The following SLC10A1 variants were observed in gnomAD, a reference collection of about 807,000 sequenced individuals.
The protein encoded by SLC10A1 is solute carrier family 10 member 1.
In SLC10A1, 36 loss-of-function variants were observed where a neutral mutation model predicts 20.5. The observed-to-expected ratio is 1.75, with a 90% confidence interval of 1.34 to 2.32. SLC10A1 has a LOEUF of 2.32. Among genes scored for constraint, SLC10A1 ranks in the 30% most tolerant of loss-of-function variants. SLC10A1 has a pLI of 0.00. For synonymous variants in SLC10A1, 188 were observed against 163.6 expected (o/e 1.15, Z -1.14); for missense variants, 545 against 439.1 (o/e 1.24, Z -2.16).
rs761020846 is a variant in SLC10A1, at chr14:69,796,831, T to A, written c.325A>T (p.Ser109Cys). ...TTCATGTCCCCCTTCATGGCCAGACTGAAGACATTGGACAGGTTCCCTCCA... is the reference window on the plus strand; with the variant it reads ...TTCATGTCCCCCTTCATGGCCAGACAGAAGACATTGGACAGGTTCCCTCCA... ...SPGGNLSNVF[S>C]LAMKGDMNLS... Residue 109 changes from serine to cysteine, a missense_variant, in exon 1 of 5, where the codon AGT becomes TGT. Coordinates refer to ENST00000216540, the MANE Select transcript of SLC10A1 (RefSeq NM_003049.4). The A allele has an allele frequency of 3.1e-6, 5 of 1,614,170 alleles. No individual in the cohort carries two copies. The highest frequency in any genetic ancestry group is 4.2e-6 in the Non-Finnish European group (5 of 1,180,026).
rs146304821 is a variant in SLC10A1, at chr14:69,779,801, G to A, written c.568-441C>T. ...TAGCAGACTTTCAGTGAAGTGTTAC[G>A]TGAGGCTATTCAGGACTCCTGCAAA... On this transcript the variant is annotated intron_variant, in intron 2 of 4. Coordinates refer to ENST00000216540, the MANE Select transcript of SLC10A1 (RefSeq NM_003049.4). 2.6e-5 allele frequency among the ~76,000 whole-genome samples: 4 copies of A among 152,036 alleles called. No individual in the cohort carries two copies. The East Asian group carries it at 5.8e-4, about 22-fold the overall frequency.
rs902008911 is a variant in SLC10A1, at chr14:69,783,643, G to A, written c.567+2454C>T. The stretch of plus-strand genomic sequence containing the variant: ...ACATTAAGGAGTTTAAACTATCCTA[G>A]GGGGAAGGAGTCAATGAGAGGCTTT... On this transcript the variant is annotated intron_variant, in intron 2 of 4. Coordinates refer to ENST00000216540, the MANE Select transcript of SLC10A1 (RefSeq NM_003049.4). 2.6e-5 allele frequency among the ~76,000 whole-genome samples: 4 copies of A among 152,318 alleles called. 1 individual carries two copies. The highest frequency in any genetic ancestry group is 6.5e-5 in the Admixed American group (1 of 15,302).
intron 4 of SLC10A1, among the ~76,000 whole-genome samples, chr14:69,777,636 GGCACTCT>G (rs1158558643): frequency 1.6e-5 from 2 of 126,720 alleles, no homozygotes; most frequent in Admixed American, 8.9e-5. Flanking sequence ...CTTTGAGGAA[GGCACTCT>G]GTTCTCTGGT....
At chr14:69,796,066 C>A (rs904311583) in intron 1 of SLC10A1, among the ~76,000 whole-genome samples, 5 of 152,204 alleles carry the variant, frequency 3.3e-5, no homozygotes, top group Admixed American at 2.6e-4. Context: ...GGATGAGCAT[C>A]AACCAGCCCC....
In SLC10A1 at chr14:69,786,286, G is replaced by A. The variant is rs759709943; in HGVS notation, c.378C>T (p.Ser126=). ...MNLSIVMTTC[S]TFCALGMMPL... The stretch of plus-strand genomic sequence containing the variant: ...GCATCATGCCAAGGGCACAGAAGGT[G>A]GAGCAGGTGGTCATCACAATGCTGG... Residue 126 remains serine, a synonymous_variant, in exon 2 of 5, where the codon TCC becomes TCT. Transcript: ENST00000216540. The A allele has an allele frequency of 5.0e-6, 8 of 1,614,096 alleles. No individual in the cohort carries two copies. Among genetic ancestry groups the A allele is most frequent in the Non-Finnish European group, 5.9e-6 (7 of 1,179,990 alleles).
chr14:69,779,376 AGAAAAG>A lies in SLC10A1; in HGVS notation c.568-22_568-17del. 1 of 1,598,420 alleles carries A rather than the reference AGAAAAG, an allele frequency of 6.3e-7. No individual in the cohort carries two copies. Among genetic ancestry groups the A allele is most frequent in the Non-Finnish European group, 8.6e-7 (1 of 1,168,430 alleles). On this transcript the variant is annotated splice_polypyrimidine_tract_variant and intron_variant, in intron 2 of 4. Coordinates refer to ENST00000216540, the MANE Select transcript of SLC10A1 (RefSeq NM_003049.4). Reference sequence around the variant, plus strand: ...TCATCCCTCCCTGGGAATGAAGACAAGAAAAGGCAATTAGAAGAGTTGGGGATAGAG... The same window carrying A: ...TCATCCCTCCCTGGGAATGAAGACAAGCAATTAGAAGAGTTGGGGATAGAG...
At chr14:69,787,507 ACTT>A (rs1306024865) in intron 1 of SLC10A1, among the ~76,000 whole-genome samples, 1 of 152,202 alleles carries the variant, frequency 6.6e-6, no homozygotes, top group Non-Finnish European at 1.5e-5. Context: ...CTCCATCTAC[ACTT>A]CTTTCATTAT....
chr14:69,775,997 T>G lies in SLC10A1; in HGVS notation c.*285A>C. ...ACTTTAAGATGCTTATCAGACACTTTTAGAGATCCCAGCAAGAGGCAGATT... is the reference window on the plus strand; with the variant it reads ...ACTTTAAGATGCTTATCAGACACTTGTAGAGATCCCAGCAAGAGGCAGATT... On this transcript the variant is annotated 3_prime_UTR_variant, in exon 5 of 5. Transcript: ENST00000216540. 2.5e-6 allele frequency: 1 copy of G among 395,114 alleles called. No individual in the cohort carries two copies. The highest frequency in any genetic ancestry group is 4.6e-6 in the Non-Finnish European group (1 of 218,670). 24.5% of individuals were successfully genotyped at this position (395,114 alleles called of 1,614,324 possible). A position where few individuals can be genotyped will look rare whatever the true frequency, so the allele number is the denominator to read the frequency against.
Position 69,784,759 on chromosome 14 carries a change from C to T in SLC10A1, c.567+1338G>A, listed in dbSNP as rs369612569. On this transcript the variant is annotated intron_variant, in intron 2 of 4. Coordinates refer to ENST00000216540, the MANE Select transcript of SLC10A1 (RefSeq NM_003049.4). Reference sequence around the variant, plus strand: ...GAGGCTGCTGGGCCAGGGGCATAATCAATAAAAGGAGGTCTCTTGAGTACA... The same window carrying T: ...GAGGCTGCTGGGCCAGGGGCATAATTAATAAAAGGAGGTCTCTTGAGTACA... 5.5e-4 allele frequency among the ~76,000 whole-genome samples: 74 copies of T among 134,080 alleles called. 3 individuals are homozygous for T. In the South Asian group the frequency reaches 0.016, roughly 28 times the overall value. 88.0% of individuals were successfully genotyped at this position (134,080 alleles called of 152,430 possible). A position where few individuals can be genotyped will look rare whatever the true frequency, so the allele number is the denominator to read the frequency against.
intron 1 of SLC10A1, among the ~76,000 whole-genome samples, chr14:69,789,436 G>A (rs1401867311): frequency 6.6e-6 from 1 of 152,210 alleles, no homozygotes; most frequent in African/African-American, 2.4e-5. Context: ...AATATGCTAA[G>A]TGAAAGAAGT....
In SLC10A1 at chr14:69,779,315, G is replaced by A. The variant is rs142448421; in HGVS notation, c.613C>T (p.Leu205Phe). 16 of 1,614,050 alleles carry A rather than the reference G, an allele frequency of 9.9e-6. No homozygotes were observed. Among genetic ancestry groups the A allele is most frequent in the Non-Finnish European group, 1.1e-5 (13 of 1,179,992 alleles). Residue 205 changes from leucine to phenylalanine, a missense_variant, in exon 3 of 5, where the codon CTC (leucine) becomes TTC (phenylalanine). Leu to Phe is a conservative substitution (Grantham distance 22). Coordinates refer to ENST00000216540, the MANE Select transcript of SLC10A1 (RefSeq NM_003049.4). ...ILLCSVAVTV[L>F]SAINVGKSIM... Reference sequence around the variant, plus strand: ...CTCTTCCCCACATTGATGGCAGAGAGAACTGTGACGGCCACACTGCACAAG... The same window carrying A: ...CTCTTCCCCACATTGATGGCAGAGAAAACTGTGACGGCCACACTGCACAAG...
At chr14:69,793,865 G>A (rs773379617) in intron 1 of SLC10A1, among the ~76,000 whole-genome samples, 5 of 152,202 alleles carry the variant, frequency 3.3e-5, no homozygotes, top group Non-Finnish European at 7.3e-5. Flanking sequence ...GTTTTCTCTT[G>A]CCTGTTTGTC....
At position 69,779,338 on chromosome 14, in the gene SLC10A1, A is replaced by T. The variant is rs201027060; in HGVS notation, c.590T>A (p.Leu197Ter). 6.2e-7 allele frequency: 1 copy of T among 1,612,726 alleles called. No individual in the cohort carries two copies. Among genetic ancestry groups the T allele is most frequent in the Admixed American group, 1.7e-5 (1 of 59,950 alleles). ...GAGAACTGTGACGGCCACACTGCACAAGAGAATGATGATCATCCCTCCCTG... is the reference window on the plus strand; with the variant it reads ...GAGAACTGTGACGGCCACACTGCACTAGAGAATGATGATCATCCCTCCCTG... ...VIKGGMIIIL[L>*]CSVAVTVLSA... Residue 197 changes from leucine (L) to a stop codon, truncating the protein, a stop_gained, in exon 3 of 5, where the codon TTG becomes TAG. Coordinates refer to ENST00000216540, the MANE Select transcript of SLC10A1 (RefSeq NM_003049.4). LOFTEE classifies it high-confidence loss of function.
intron 2 of SLC10A1, 60 bp from the exon 3 acceptor site, chr14:69,779,420 G>T: frequency 7.2e-7 from 1 of 1,386,388 alleles, no homozygotes; most frequent in Non-Finnish European, 9.9e-7. Context: ...GAACAGAGGT[G>T]GGGAAGCACA....
chr14:69,796,563 C>G (rs548059650), intron 1 of SLC10A1, among the ~76,000 whole-genome samples: 1 of 152,214 alleles, frequency 6.6e-6, no homozygotes, highest in African/African-American at 2.4e-5. Context: ...GAGATCACCA[C>G]GAGCTTCCTG....
At chr14:69,791,683 G>A (rs1421251332) in intron 1 of SLC10A1, among the ~76,000 whole-genome samples, 2 of 152,114 alleles carry the variant, frequency 1.3e-5, no homozygotes, top group African/African-American at 4.8e-5. Flanking sequence ...TGTGGAACTG[G>A]TACAAGGGTA....
intron 1 of SLC10A1, among the ~76,000 whole-genome samples, chr14:69,794,577 G>A (rs1273281226): frequency 6.6e-6 from 1 of 152,112 alleles, no homozygotes; most frequent in African/African-American, 2.4e-5. Flanking sequence ...TCTTATAATC[G>A]TTGTCATTAT....
At chr14:69,783,679 G>A (rs1415644370) in intron 2 of SLC10A1, among the ~76,000 whole-genome samples, 3 of 152,254 alleles carry the variant, frequency 2.0e-5, no homozygotes, top group African/African-American at 4.8e-5. Context: ...AAGCAGTGGA[G>A]TGACATGATA....
intron 1 of SLC10A1, among the ~76,000 whole-genome samples, chr14:69,792,214 A>G (rs1882288710): frequency 6.6e-6 from 1 of 152,206 alleles, no homozygotes; most frequent in South Asian, 2.1e-4. Flanking sequence ...AAAAACATAA[A>G]CCACAAAGGA....
Sources: gnomAD v4.1 joint callset for allele counts (sites outside exome capture counted in the v4.1 genomes callset) on GRCh38, gnomAD v4.1.1 for gene constraint, MANE v1.5 for transcripts, NCBI Gene and HGNC (gene_info 2026-07-23, HGNC 2026-07-21) for gene names.